The following FBN1 variants were observed in gnomAD, a reference collection of about 807,000 sequenced individuals.
FBN1 encodes the protein fibrillin 1, also known as fibrillin-1.
In FBN1, 29 loss-of-function variants were observed where a neutral mutation model predicts 365.1. That is an observed-to-expected ratio of 0.08 (90% confidence interval 0.06 to 0.11). The LOEUF (loss-of-function observed/expected upper bound fraction) is 0.11. Ranked by LOEUF, FBN1 falls within the 10% of genes least tolerant of loss-of-function variation. The pLI, the probability that FBN1 is intolerant of heterozygous loss-of-function variation, is 1.00. For missense variants in FBN1, 2,476 were observed against 3,703.2 expected, an observed-to-expected ratio of 0.67 and a Z score of 8.60; for synonymous variants, 1,210 against 1,270.5, an observed-to-expected ratio of 0.95 and a Z score of 1.01.
chr15:48,451,733 A>G (rs1005505345), intron 45 of FBN1, among the ~76,000 whole-genome samples: 4 of 152,232 alleles, frequency 2.6e-5, no homozygotes, highest in African/African-American at 9.6e-5. Context: ...CTAAATATAC[A>G]GTGATTTTTG....
intron 60 of FBN1, among the ~76,000 whole-genome samples, chr15:48,423,391 C>T (rs2042957380): frequency 6.6e-6 from 1 of 152,148 alleles, no homozygotes; most frequent in African/African-American, 2.4e-5. Flanking sequence ...GTTCCGGCTT[C>T]TCTTATAATG....
chr15:48,602,603 T>C (rs76714895), intron 4 of FBN1, among the ~76,000 whole-genome samples: 2,898 of 152,330 alleles, frequency 0.019, 41 homozygotes, highest in Non-Finnish European at 0.032. Flanking sequence ...AAAAATATTT[T>C]TATCTTTGTT....
rs894451140 is a variant in FBN1 at position 48,409,394 on chromosome 15, T to C, written c.*1596A>G. 6.6e-6 allele frequency: 1 copy of C among 152,216 alleles called. No individual in the cohort carries two copies. Among genetic ancestry groups the C allele is most frequent in the Non-Finnish European group, 1.5e-5 (1 of 68,028 alleles). 9.4% of individuals were successfully genotyped at this position (152,216 alleles called of 1,614,324 possible). A position where few individuals can be genotyped will look rare whatever the true frequency, so the allele number is the denominator to read the frequency against. ...AGATTTTTGAGAGCACTTTCCTGTG[T>C]CCTACCTAGTTTCTCCGCCCACCAC... is the stretch of plus-strand genomic sequence containing the variant. On this transcript the variant is annotated 3_prime_UTR_variant, in exon 66 of 66. Coordinates refer to ENST00000316623, the MANE Select transcript of FBN1 (RefSeq NM_000138.5).
chr15:48,534,073 T>G lies in FBN1; in HGVS notation c.862+7A>C. ...ACCCCCCAACTGCAAAGCATAAGAT[T>G]TCTTACCTTCACATTTTTGTGACAC... On this transcript the variant is annotated splice_region_variant and intron_variant, in intron 8 of 65. Transcript: ENST00000316623. 1 of 1,607,208 alleles carries G rather than the reference T, an allele frequency of 6.2e-7. No individual in the cohort carries two copies. The highest frequency in any genetic ancestry group is 8.5e-7 in the Non-Finnish European group (1 of 1,175,894).
intron 6 of FBN1, among the ~76,000 whole-genome samples, chr15:48,562,912 T>C (rs1453397641): frequency 3.3e-5 from 5 of 152,204 alleles, no homozygotes; most frequent in Admixed American, 6.5e-5. Context: ...TTTTCATTAG[T>C]CTTTTATTTA....
chr15:48,441,663 A>C lies in FBN1; in HGVS notation c.6163+58T>G, dbSNP rs1053523129. The C allele has an allele frequency of 2.2e-5, 35 of 1,608,152 alleles. No individual in the cohort carries two copies. In the South Asian group the frequency reaches 3.2e-4, roughly 15 times the overall value. ...CAGAGCTTTGCCATGTTTGAAAAAT[A>C]AGACCACCACAAATAAACATGCAGC... On this transcript the variant is annotated intron_variant, in intron 50 of 65. Transcript: ENST00000316623.
intron 13 of FBN1, 48 bp downstream of exon 13, chr15:48,513,501 C>A: frequency 6.2e-7 from 1 of 1,613,274 alleles, no homozygotes; most frequent in Non-Finnish European, 8.5e-7. Context: ...AGCCAACCCC[C>A]AGTTAGCATA....
At chr15:48,593,793 T>C (rs1453064155) in intron 6 of FBN1, among the ~76,000 whole-genome samples, 1 of 152,132 alleles carries the variant, frequency 6.6e-6, no homozygotes, top group Non-Finnish European at 1.5e-5. Flanking sequence ...TTTGATGCAA[T>C]GCAGTAAATG....
rs138996594 is a variant in FBN1, at chr15:48,423,610, A to T, written c.7454-1542T>A. ...TAACACCATTTCATGAGTACAACAC[A>T]TGAAGAACAGCAGCACTTGCTGCTC... On this transcript the variant is annotated intron_variant, in intron 60 of 65. Coordinates refer to ENST00000316623, the MANE Select transcript of FBN1 (RefSeq NM_000138.5). Among the ~76,000 whole-genome samples the T allele has an allele frequency of 1.2e-3, 182 of 152,270 alleles. 7 individuals are homozygous for T. The East Asian group carries it at 0.033, about 27-fold the overall frequency.
intron 6 of FBN1, among the ~76,000 whole-genome samples, chr15:48,547,701 G>A (rs1053733388): frequency 1.4e-5 from 2 of 147,814 alleles, no homozygotes; most frequent in African/African-American, 2.5e-5. Flanking sequence ...TATATAGGTT[G>A]TTTGTATATC....
intron 32 of FBN1, among the ~76,000 whole-genome samples, chr15:48,476,993 T>C (rs1339408874): frequency 6.6e-6 from 1 of 152,034 alleles, no homozygotes; most frequent in Non-Finnish European, 1.5e-5. Flanking sequence ...TACCAAAATA[T>C]TGGTGAATAT....
rs796368705 is a variant in FBN1 at position 48,437,210 on chromosome 15, C to CA, written c.6379+111dup. 30 of 1,199,788 alleles carry CA rather than the reference C, an allele frequency of 2.5e-5. 1 individual carries two copies. The African/African-American group carries it at 4.3e-4, about 17-fold the overall frequency. The allele number at this position is 1,199,788 out of a possible 1,614,324, so 74.3% of individuals were successfully genotyped here. A position where few individuals can be genotyped will look rare whatever the true frequency, so the allele number is the denominator to read the frequency against. ...TATAATTGCTATCTAAATGAAGGGA[C>CA]AAAAAAGTAGCACTTAATTTTCCAA... On this transcript the variant is annotated intron_variant, in intron 52 of 65. Coordinates refer to ENST00000316623, the MANE Select transcript of FBN1 (RefSeq NM_000138.5).
At chr15:48,588,086 TG>T (rs1199333040) in intron 6 of FBN1, among the ~76,000 whole-genome samples, 2 of 152,200 alleles carry the variant, frequency 1.3e-5, no homozygotes, top group Admixed American at 6.5e-5. Context: ...TATGTATTAC[TG>T]GAAGTTCTAG....
At chr15:48,613,534 T>G (rs575377592) in intron 2 of FBN1, among the ~76,000 whole-genome samples, 1 of 152,264 alleles carries the variant, frequency 6.6e-6, no homozygotes, top group South Asian at 2.1e-4. Context: ...ACCTCTATAA[T>G]TTTACATATT....
rs1489891578 is a variant in FBN1, at chr15:48,503,340, GAAAACCACACC to G, written c.2113+436_2113+446del. On this transcript the variant is annotated intron_variant, in intron 17 of 65. Transcript: ENST00000316623. ...GAAGAAGAAGAAGAAGAAAGAAAAA[GAAAACCACACC>G]AAAATCAATACGTGGGATGTAAACA... is the stretch of plus-strand genomic sequence containing the variant. 2.4e-3 allele frequency among the ~76,000 whole-genome samples: 350 copies of G among 146,354 alleles called. 3 individuals are homozygous for G. The highest frequency in any genetic ancestry group is 8.5e-3 in the African/African-American group (334 of 39,498).
rs765387131 is a variant in FBN1, at chr15:48,452,589, G to A, written c.5518C>T (p.Arg1840Cys). The A allele has an allele frequency of 4.3e-6, 7 of 1,613,998 alleles. No individual in the cohort carries two copies. The highest frequency in any genetic ancestry group is 3.3e-5 in the Admixed American group (2 of 59,998). ...SYRCDCKPGY[R>C]FTSTGQCNDR... is the part of the protein sequence containing the mutation. ...TTGCACTGTCCTGTGGAGGTGAAGC[G>A]GTAGCCGGGCTTACAGTCACAGCGG... Residue 1840 changes from arginine (R) to cysteine (C), a missense_variant, in exon 45 of 66, where the codon CGC becomes TGC. By Grantham distance (180) the Arg-to-Cys change is radical. Coordinates refer to ENST00000316623, the MANE Select transcript of FBN1 (RefSeq NM_000138.5).
intron 53 of FBN1, among the ~76,000 whole-genome samples, chr15:48,435,772 ATGTGTGTGTGTG>A (rs374043226): frequency 9.4e-6 from 1 of 106,358 alleles, no homozygotes; most frequent in African/African-American, 4.3e-5. Context: ...ATATGTGTAT[ATGTGTGTGTGTG>A]TGTGTGTGTG....
At position 48,408,318 on chromosome 15, in the gene FBN1, C is replaced by G. The variant is rs371534201; in HGVS notation, c.*2672G>C. Reference sequence around the variant, plus strand: ...TTAAGGATACTAATGCAGCATCAACCCAATTGTCCTTTATTTTGGCTCATC... The same window carrying G: ...TTAAGGATACTAATGCAGCATCAACGCAATTGTCCTTTATTTTGGCTCATC... On this transcript the variant is annotated 3_prime_UTR_variant, in exon 66 of 66. Coordinates refer to ENST00000316623, the MANE Select transcript of FBN1 (RefSeq NM_000138.5). 2 of 152,596 alleles carry G rather than the reference C, an allele frequency of 1.3e-5. No homozygotes were observed. The highest frequency in any genetic ancestry group is 2.1e-4 in the South Asian group (1 of 4,812). The allele number at this position is 152,596 out of a possible 1,614,324, so 9.5% of individuals were successfully genotyped here.
At chr15:48,582,445 A>C (rs1210258698) in intron 6 of FBN1, among the ~76,000 whole-genome samples, 1 of 152,222 alleles carries the variant, frequency 6.6e-6, no homozygotes, top group Non-Finnish European at 1.5e-5. Context: ...AGATGCAGTA[A>C]GAATTTATTC....
Sources: gnomAD v4.1 joint callset for allele counts (sites outside exome capture counted in the v4.1 genomes callset) on GRCh38, gnomAD v4.1.1 for gene constraint, MANE v1.5 for transcripts, NCBI Gene and HGNC (gene_info 2026-07-23, HGNC 2026-07-21) for gene names.